Variants in UVRAG observed in about 807,000 individuals in gnomAD.
UVRAG encodes UV radiation resistance associated.
In UVRAG, 19 loss-of-function variants were observed where a neutral mutation model predicts 78.0. That is an observed-to-expected ratio of 0.24 (90% CI 0.17 to 0.36). UVRAG has a LOEUF of 0.36. UVRAG is among the 10% of genes least tolerant of loss of function. The pLI is 1.00. For missense variants in UVRAG, 740 were observed against 853.8 expected, an observed-to-expected ratio of 0.87 and a Z score of 1.66; for synonymous variants, 323 against 324.6, an observed-to-expected ratio of 1.00 and a Z score of 0.05.
At chr11:75,974,362 T>C (rs1475605527) in intron 7 of UVRAG, among the ~76,000 whole-genome samples, 7 of 136,240 alleles carry the variant, frequency 5.1e-5, no homozygotes, top group African/African-American at 1.4e-4. Flanking sequence ...TTTTTTTTTT[T>C]TTTTTTTTTT....
At position 75,912,056 on chromosome 11, in the gene UVRAG, A is replaced by G. The variant is rs1435134480; in HGVS notation, c.593+17A>G. The stretch of plus-strand genomic sequence containing the variant: ...TTTGCTACGGTAAGAAACTTCTTAG[A>G]TTGCCCTGAATTCTAAAGAATCTTT... On this transcript the variant is annotated intron_variant, in intron 6 of 14. Coordinates refer to ENST00000356136, the MANE Select transcript of UVRAG (RefSeq NM_003369.4). 2 of 1,515,464 alleles carry G rather than the reference A, an allele frequency of 1.3e-6. No homozygotes were observed. The highest frequency in any genetic ancestry group is 1.8e-6 in the Non-Finnish European group (2 of 1,095,642). 93.9% of individuals were successfully genotyped at this position (1,515,464 alleles called of 1,614,324 possible). A position where few individuals can be genotyped will look rare whatever the true frequency, so the allele number is the denominator to read the frequency against.
chr11:75,981,420 G>T (rs1687852621), intron 7 of UVRAG, among the ~76,000 whole-genome samples: 1 of 151,644 alleles, frequency 6.6e-6, no homozygotes, highest in African/African-American at 2.4e-5. Flanking sequence ...CCCTAATTTG[G>T]CAAGTTTTTA....
At chr11:75,927,145 C>G (rs1948126919) in intron 6 of UVRAG, among the ~76,000 whole-genome samples, 1 of 151,474 alleles carries the variant, frequency 6.6e-6, no homozygotes, top group Admixed American at 6.6e-5. Context: ...TCTCGGGTCA[C>G]TGCAACCTCC....
intron 9 of UVRAG, among the ~76,000 whole-genome samples, chr11:76,005,032 T>G (rs1369051775): frequency 6.6e-6 from 1 of 152,146 alleles, no homozygotes; most frequent in African/African-American, 2.4e-5. Flanking sequence ...CAAAAAACTT[T>G]AGCAGTTGGG....
intron 5 of UVRAG, among the ~76,000 whole-genome samples, chr11:75,903,131 T>G (rs1947545521): frequency 1.3e-5 from 2 of 152,134 alleles, no homozygotes; most frequent in Non-Finnish European, 2.9e-5. Context: ...GTTTCTGTTG[T>G]TTTTTATTAC....
chr11:75,867,097 TTC>T (rs1946554806), intron 3 of UVRAG, among the ~76,000 whole-genome samples: 1 of 152,244 alleles, frequency 6.6e-6, no homozygotes, highest in African/African-American at 2.4e-5. Flanking sequence ...AGATATTTGC[TTC>T]TCTAATACCA....
intron 6 of UVRAG, among the ~76,000 whole-genome samples, chr11:75,930,070 C>T (rs1365381829): frequency 2.6e-5 from 4 of 152,126 alleles, no homozygotes; most frequent in African/African-American, 9.7e-5. Flanking sequence ...TTTTGATTGC[C>T]TGTCATTTGC....
chr11:76,097,295 A>G (rs1003786422), intron 13 of UVRAG, among the ~76,000 whole-genome samples: 1 of 152,032 alleles, frequency 6.6e-6, no homozygotes, highest in Admixed American at 6.6e-5. Context: ...CTAGTAACCT[A>G]CATTACTCTC....
intron 6 of UVRAG, among the ~76,000 whole-genome samples, chr11:75,946,645 C>T (rs1185720200): frequency 6.6e-6 from 1 of 152,128 alleles, no homozygotes; most frequent in Non-Finnish European, 1.5e-5. Context: ...GAGTTCACTT[C>T]CTTGTGGTTT....
At chr11:75,859,913 T>C (rs1444060754) in intron 2 of UVRAG, among the ~76,000 whole-genome samples, 1 of 152,210 alleles carries the variant, frequency 6.6e-6, no homozygotes, top group East Asian at 1.9e-4. Flanking sequence ...AGGCGAATTG[T>C]TTTGTTTGAT....
intron 6 of UVRAG, among the ~76,000 whole-genome samples, chr11:75,928,766 C>T (rs1008208498): frequency 2.7e-5 from 4 of 149,966 alleles, no homozygotes; most frequent in African/African-American, 1.0e-4. Context: ...GGTGAAACCC[C>T]GTCTTTACTA....
Position 76,142,610 on chromosome 11 carries a change from A to G in UVRAG, c.*1197A>G, listed in dbSNP as rs1952742338. On this transcript the variant is annotated 3_prime_UTR_variant, in exon 15 of 15. Transcript: ENST00000356136. ...TCTTTAAAGGAAAATTTATCCATAT[A>G]TCCATGTATTATATAGAAGAATAAA... The G allele has an allele frequency of 6.6e-6, 1 of 152,498 alleles. No homozygotes were observed. Among genetic ancestry groups the G allele is most frequent in the African/African-American group, 2.4e-5 (1 of 41,422 alleles). 9.4% of individuals were successfully genotyped at this position (152,498 alleles called of 1,614,324 possible).
intron 14 of UVRAG, among the ~76,000 whole-genome samples, chr11:76,125,500 G>T (rs1952367931): frequency 6.6e-6 from 1 of 151,312 alleles, no homozygotes; most frequent in African/African-American, 2.5e-5. Flanking sequence ...TAACTAACAG[G>T]CCCCCTCCTG....
chr11:76,104,431 C>T (rs901566004), intron 13 of UVRAG, among the ~76,000 whole-genome samples: 3 of 152,094 alleles, frequency 2.0e-5, no homozygotes, highest in African/African-American at 7.2e-5. Flanking sequence ...TTTCTTTAAC[C>T]GTGATAGTGT....
chr11:75,832,756 C>T (rs774452751), intron 1 of UVRAG, among the ~76,000 whole-genome samples: 19 of 152,192 alleles, frequency 1.2e-4, no homozygotes, highest in Non-Finnish European at 2.5e-4. Context: ...TGTTTCTGCC[C>T]TGAAGCTCTC....
intron 1 of UVRAG, among the ~76,000 whole-genome samples, chr11:75,849,003 A>G (rs1309383468): frequency 2.0e-5 from 3 of 151,940 alleles, no homozygotes; most frequent in Non-Finnish European, 4.4e-5. Flanking sequence ...ACATGGTGAA[A>G]CCCTGTCTTT....
At chr11:76,065,441 C>T (rs944650770) in intron 12 of UVRAG, among the ~76,000 whole-genome samples, 1 of 150,536 alleles carries the variant, frequency 6.6e-6, no homozygotes, top group Non-Finnish European at 1.5e-5. Context: ...AACCAGTGGC[C>T]TCAACTCCTT....
chr11:75,825,543 A>G (rs1174398980), intron 1 of UVRAG, among the ~76,000 whole-genome samples: 2 of 152,226 alleles, frequency 1.3e-5, no homozygotes, highest in Admixed American at 6.5e-5. Flanking sequence ...AATTCATAGT[A>G]TACCTTCTTG....
intron 8 of UVRAG, among the ~76,000 whole-genome samples, chr11:75,989,534 T>G (rs1215370948): frequency 6.6e-6 from 1 of 152,240 alleles, no homozygotes; most frequent in Non-Finnish European, 1.5e-5. Flanking sequence ...TGTATGACTT[T>G]CTAGTTGTTT....
Sources: gnomAD v4.1 joint callset for allele counts (sites outside exome capture counted in the v4.1 genomes callset) on GRCh38, gnomAD v4.1.1 for gene constraint, MANE v1.5 for transcripts, NCBI Gene and HGNC (gene_info 2026-07-23, HGNC 2026-07-21) for gene names.